Variants in KBTBD11 observed in about 807,000 individuals in gnomAD.
The protein encoded by KBTBD11 is kelch repeat and BTB domain-containing protein 11.
For missense variants in KBTBD11, 1,390 were observed against 1,001.8 expected (o/e 1.39, Z -5.23); for synonymous variants, 747 against 499.0 (o/e 1.50, Z -6.63).
Position 1,973,808 on chromosome 8 carries a change from T to C in KBTBD11, c.-1036T>C. On this transcript the variant is annotated 5_prime_UTR_variant, in exon 1 of 2. Coordinates refer to ENST00000320248, the MANE Select transcript of KBTBD11 (RefSeq NM_014867.3). ...TGCGGGTCGGAGGAGCAGCTCCCGC[T>C]CGCAGGTGCTCGGAGAGGCCGGGCC... is the stretch of plus-strand genomic sequence containing the variant. 1.0e-6 allele frequency: 1 copy of C among 983,020 alleles called. No homozygotes were observed. The allele number at this position is 983,020 out of a possible 1,614,324, so 60.9% of individuals were successfully genotyped here. A position where few individuals can be genotyped will look rare whatever the true frequency, so the allele number is the denominator to read the frequency against.
At chr8:1,979,558 G>C (rs1816466716) in intron 1 of KBTBD11, among the ~76,000 whole-genome samples, 1 of 152,186 alleles carries the variant, frequency 6.6e-6, no homozygotes, top group Non-Finnish European at 1.5e-5. Flanking sequence ...TGACCCAGGG[G>C]GCGGAGGTTG....
intron 1 of KBTBD11, among the ~76,000 whole-genome samples, chr8:1,980,245 T>TTTTTA (rs1816494938): frequency 6.7e-6 from 1 of 148,924 alleles, no homozygotes. Context: ...TTTTTTTTTT[T>TTTTTA]GAGATGGGGT....
chr8:1,980,862 A>G (rs1816518018), intron 1 of KBTBD11, among the ~76,000 whole-genome samples: 1 of 152,202 alleles, frequency 6.6e-6, no homozygotes, highest in Non-Finnish European at 1.5e-5. Flanking sequence ...AAGCTGAATG[A>G]CCACAGAAAG....
At chr8:1,974,360 C>T (rs2129306457) in intron 1 of KBTBD11, 2 of 984,712 alleles carry the variant, frequency 2.0e-6, no homozygotes, top group Non-Finnish European at 2.4e-6. Context: ...CCCGCCGCCC[C>T]AGCCGGCACG....
At chr8:1,980,075 T>C (rs1348437986) in intron 1 of KBTBD11, among the ~76,000 whole-genome samples, 1 of 152,232 alleles carries the variant, frequency 6.6e-6, no homozygotes, top group Non-Finnish European at 1.5e-5. Context: ...GGGGTTTTGT[T>C]TTCTATGAAT....
At chr8:1,994,734 G>C (rs866704210) in intron 1 of KBTBD11, among the ~76,000 whole-genome samples, 30 of 152,316 alleles carry the variant, frequency 2.0e-4, no homozygotes, top group Admixed American at 1.4e-3. Context: ...CTGCAGTCCA[G>C]CTGGTCTCTT....
At chr8:1,993,121 A>AT (rs1321655683) in intron 1 of KBTBD11, among the ~76,000 whole-genome samples, 1 of 151,550 alleles carries the variant, frequency 6.6e-6, no homozygotes, top group East Asian at 1.9e-4. Flanking sequence ...TTTTTTTTGT[A>AT]TTTTTAGTAG....
chr8:1,986,422 T>C (rs1816707586), intron 1 of KBTBD11, among the ~76,000 whole-genome samples: 2 of 152,174 alleles, frequency 1.3e-5, no homozygotes, highest in African/African-American at 2.4e-5. Flanking sequence ...ACCCATGAGA[T>C]TATTAGAAAA....
At chr8:1,995,706 A>AAAGTG in intron 1 of KBTBD11, among the ~76,000 whole-genome samples, 1 of 152,272 alleles carries the variant, frequency 6.6e-6, no homozygotes, top group South Asian at 2.1e-4. Context: ...ACAGCAGTTG[A>AAAGTG]AAGTGAACCA....
At position 2,003,322 on chromosome 8, in the gene KBTBD11, G is replaced by C; in HGVS notation, c.*258G>C. The C allele has an allele frequency of 2.4e-6, 1 of 420,162 alleles. No homozygotes were observed. Among genetic ancestry groups the C allele is most frequent in the Non-Finnish European group, 4.0e-6 (1 of 251,968 alleles). 26.0% of individuals were successfully genotyped at this position (420,162 alleles called of 1,614,324 possible). A position where few individuals can be genotyped will look rare whatever the true frequency, so the allele number is the denominator to read the frequency against. On this transcript the variant is annotated 3_prime_UTR_variant, in exon 2 of 2. Coordinates refer to ENST00000320248, the MANE Select transcript of KBTBD11 (RefSeq NM_014867.3). Reference sequence around the variant, plus strand: ...CCCTTGACAGACAGGACACAGAGAAGGCTGTGGGATCCAAAGGGTCAGCCT... The same window carrying C: ...CCCTTGACAGACAGGACACAGAGAACGCTGTGGGATCCAAAGGGTCAGCCT...
rs539002311 is a variant in KBTBD11, at chr8:1,977,443, TC to T, written c.-909+3510del. Among the ~76,000 whole-genome samples, 22 of 152,296 alleles carry T rather than the reference TC, an allele frequency of 1.4e-4. No homozygotes were observed. In the East Asian group the frequency reaches 3.9e-3, roughly 27 times the overall value. On this transcript the variant is annotated intron_variant, in intron 1 of 1. Coordinates refer to ENST00000320248, the MANE Select transcript of KBTBD11 (RefSeq NM_014867.3). ...GGCCACCTCCATCTCATGCTTGGAC[TC>T]CTGCAGTAGTCTCTGGAGAGGCTCT...
intron 1 of KBTBD11, among the ~76,000 whole-genome samples, chr8:1,981,485 T>C (rs939830734): frequency 1.3e-5 from 2 of 152,126 alleles, no homozygotes; most frequent in South Asian, 4.1e-4. Flanking sequence ...AAAGATACTG[T>C]GATGGTTAAT....
chr8:1,988,688 C>T (rs116076168), intron 1 of KBTBD11, among the ~76,000 whole-genome samples: 377 of 152,304 alleles, frequency 2.5e-3, no homozygotes, highest in African/African-American at 8.5e-3. Context: ...TCCATTCAAA[C>T]GTGTGCAGTG....
intron 1 of KBTBD11, among the ~76,000 whole-genome samples, chr8:1,979,411 C>G (rs984778033): frequency 6.6e-5 from 10 of 152,140 alleles, no homozygotes; most frequent in African/African-American, 9.7e-5. Flanking sequence ...AGGCAGATCA[C>G]TTGAGGTCAG....
intron 1 of KBTBD11, chr8:1,974,712 G>T (rs1816266006): frequency 1.0e-6 from 1 of 985,280 alleles, no homozygotes; most frequent in Non-Finnish European, 1.2e-6. Flanking sequence ...TTCCGCAGGG[G>T]TCCCTCCTCT....
intron 1 of KBTBD11, among the ~76,000 whole-genome samples, chr8:1,977,106 A>G (rs1018935602): frequency 6.6e-6 from 1 of 151,182 alleles, no homozygotes; most frequent in African/African-American, 2.4e-5. Context: ...TAAGCTCATC[A>G]TCTATCATTA....
At chr8:1,994,629 G>A (rs1474806566) in intron 1 of KBTBD11, among the ~76,000 whole-genome samples, 2 of 152,340 alleles carry the variant, frequency 1.3e-5, no homozygotes, top group South Asian at 2.1e-4. Context: ...CGGGTGCCAC[G>A]TGTTAATATG....
At chr8:1,978,411 G>T (rs568076186) in intron 1 of KBTBD11, among the ~76,000 whole-genome samples, 18 of 152,350 alleles carry the variant, frequency 1.2e-4, no homozygotes, top group African/African-American at 3.8e-4. Context: ...TGAGGCTTGC[G>T]CCAGGAGGAT....
chr8:1,987,676 C>G (rs531906224), intron 1 of KBTBD11, among the ~76,000 whole-genome samples: 1 of 152,170 alleles, frequency 6.6e-6, no homozygotes, highest in South Asian at 2.1e-4. Flanking sequence ...GGAGGACGCA[C>G]CTGTCACCAC....
Sources: gnomAD v4.1 joint callset for allele counts (sites outside exome capture counted in the v4.1 genomes callset) on GRCh38, gnomAD v4.1.1 for gene constraint, MANE v1.5 for transcripts, NCBI Gene and HGNC (gene_info 2026-07-23, HGNC 2026-07-21) for gene names.